Variants in ZHX3 observed in about 807,000 individuals in gnomAD.
ZHX3 encodes zinc fingers and homeoboxes protein 3.
ZHX3 carries 20 observed loss-of-function variants against 64.5 expected under a neutral mutation model. The ratio of observed to expected loss-of-function variants is 0.31; its 90% CI spans 0.22 to 0.45. ZHX3 has a LOEUF of 0.45. Ranked by LOEUF, ZHX3 falls within the 20% of genes least tolerant of loss-of-function variation. The pLI, the probability that ZHX3 is intolerant of heterozygous loss-of-function variation, is 1.00. For missense variants in ZHX3, 1,041 were observed against 1,195.8 expected (o/e 0.87, Z 1.91); for synonymous variants, 423 against 461.6 (o/e 0.92, Z 1.07).
rs763621516 is a variant in ZHX3 at position 41,203,095 on chromosome 20, T to C, written c.1822A>G (p.Thr608Ala). 1 of 1,613,786 alleles carries C rather than the reference T, an allele frequency of 6.2e-7. No individual in the cohort carries two copies. Among genetic ancestry groups the C allele is most frequent in the East Asian group, 2.2e-5 (1 of 44,854 alleles). The stretch of plus-strand genomic sequence containing the variant: ...TATTTGGTTGGTGTGAAGTCAGGAG[T>C]CTGGTGCCAAGATTGTCGTTTGGCA... Reference protein sequence around the residue: ...PSAKRQSWHQTPDFTPTKYKE... With the variant: ...PSAKRQSWHQAPDFTPTKYKE... The change falls in exon 3 of 4, where the codon ACT (threonine) becomes GCT (alanine). Residue 608 changes from threonine to alanine, a missense_variant. Transcript: ENST00000683867. This position sits in a 1 kb window ranked among gnomAD's most constrained non-coding sequence, Gnocchi z 7.1.
chr20:41,261,546 G>T (rs2042562088), intron 2 of ZHX3, among the ~76,000 whole-genome samples: 1 of 152,134 alleles, frequency 6.6e-6, no homozygotes, highest in South Asian at 2.1e-4. Context: ...CCACTTTTCT[G>T]TATCTCCTCT....
chr20:41,299,476 T>C (rs1358059966), intron 1 of ZHX3, among the ~76,000 whole-genome samples: 5 of 152,164 alleles, frequency 3.3e-5, no homozygotes, highest in Admixed American at 6.5e-5. Flanking sequence ...AACATTATAT[T>C]TTCTTTGTTC....
chr20:41,265,502 G>A (rs1056800328), intron 2 of ZHX3, among the ~76,000 whole-genome samples: 3 of 151,964 alleles, frequency 2.0e-5, no homozygotes, highest in South Asian at 2.1e-4. Flanking sequence ...GCGCCCGGCC[G>A]TTACGATAAA....
intron 1 of ZHX3, among the ~76,000 whole-genome samples, chr20:41,303,700 C>T (rs2044892883): frequency 6.6e-6 from 1 of 152,178 alleles, no homozygotes; most frequent in Non-Finnish European, 1.5e-5. Context: ...CAGAAGAGAC[C>T]CTGTTCAAGC....
At position 41,302,376 on chromosome 20, in the gene ZHX3, G is replaced by A. The variant is rs558322990; in HGVS notation, c.-245+15133C>T. Among the ~76,000 whole-genome samples, 3 of 152,172 alleles carry A rather than the reference G, an allele frequency of 2.0e-5. No homozygotes were observed. The South Asian group carries it at 6.2e-4, about 32-fold the overall frequency. On this transcript the variant is annotated intron_variant, in intron 1 of 3. Transcript: ENST00000683867. ...AGGTGTACTAACACCCCAGTTCTCA[G>A]CTCCCTCTTCCCTGACCCAGGGACC...
chr20:41,215,285 A>C (rs532238503), intron 2 of ZHX3, among the ~76,000 whole-genome samples: 29 of 152,254 alleles, frequency 1.9e-4, no homozygotes, highest in African/African-American at 6.7e-4. Context: ...AATAAAAATA[A>C]AAATAAATAA....
chr20:41,237,090 A>G (rs1026164626), intron 2 of ZHX3, among the ~76,000 whole-genome samples: 2 of 152,178 alleles, frequency 1.3e-5, no homozygotes, highest in African/African-American at 4.8e-5. Flanking sequence ...TTAGAATGGC[A>G]ATCATTAAAA....
intron 3 of ZHX3, among the ~76,000 whole-genome samples, chr20:41,190,778 C>A (rs939857275): frequency 6.6e-6 from 1 of 152,162 alleles, no homozygotes; most frequent in African/African-American, 2.4e-5. Context: ...TACTTTATTT[C>A]TCCTTCATTT....
At chr20:41,265,876 T>C (rs961788266) in intron 2 of ZHX3, among the ~76,000 whole-genome samples, 2 of 152,134 alleles carry the variant, frequency 1.3e-5, no homozygotes, top group African/African-American at 4.8e-5. Context: ...AGAAAAGACA[T>C]AGCTCCTGTA....
chr20:41,215,551 A>T (rs2039458468), intron 2 of ZHX3, among the ~76,000 whole-genome samples: 2 of 152,246 alleles, frequency 1.3e-5, no homozygotes, highest in South Asian at 4.1e-4. Flanking sequence ...GAATTCAAAT[A>T]CTTAGAAAGT....
chr20:41,288,989 CAAAT>C (rs777021401), intron 1 of ZHX3, among the ~76,000 whole-genome samples: 10 of 152,052 alleles, frequency 6.6e-5, no homozygotes, highest in Non-Finnish European at 1.3e-4. Flanking sequence ...TGGAATCTAA[CAAAT>C]AGTTTTTTCT....
chr20:41,300,890 G>T (rs2146807324), intron 1 of ZHX3, among the ~76,000 whole-genome samples: 1 of 152,304 alleles, frequency 6.6e-6, no homozygotes, highest in East Asian at 1.9e-4. Context: ...AGACAGAAGG[G>T]CTAAGGAGGA....
chr20:41,194,831 A>C (rs2037350158), intron 3 of ZHX3, among the ~76,000 whole-genome samples: 1 of 152,200 alleles, frequency 6.6e-6, no homozygotes. Flanking sequence ...TTATTGGCAC[A>C]TAACTGTTAA....
intron 1 of ZHX3, among the ~76,000 whole-genome samples, chr20:41,288,036 T>C (rs1002332131): frequency 6.6e-6 from 1 of 152,192 alleles, no homozygotes; most frequent in African/African-American, 2.4e-5. Flanking sequence ...TTATTATTTA[T>C]TTATTTTTGA....
At chr20:41,208,131 G>C (rs1600780215) in intron 2 of ZHX3, among the ~76,000 whole-genome samples, 2 of 152,260 alleles carry the variant, frequency 1.3e-5, no homozygotes, top group African/African-American at 4.8e-5. Context: ...ACCCTCCCAA[G>C]ACTAAACCAG....
chr20:41,210,204 C>T (rs1407688508), intron 2 of ZHX3, among the ~76,000 whole-genome samples: 2 of 152,154 alleles, frequency 1.3e-5, no homozygotes, highest in African/African-American at 4.8e-5. Context: ...ACAACAGGTG[C>T]TGGAGAGGAT....
At chr20:41,316,864 G>T (rs551620476) in intron 1 of ZHX3, 308 of 152,358 alleles carry the variant, frequency 2.0e-3, no homozygotes, top group Non-Finnish European at 3.3e-3. Flanking sequence ...CCACTCACAC[G>T]CCACTCAGGG....
intron 1 of ZHX3, among the ~76,000 whole-genome samples, chr20:41,273,768 G>C (rs993343194): frequency 1.3e-5 from 2 of 152,028 alleles, no homozygotes; most frequent in Non-Finnish European, 1.5e-5. Context: ...TTTGAAATTG[G>C]GAAGCATGAA....
intron 2 of ZHX3, among the ~76,000 whole-genome samples, chr20:41,243,822 A>C (rs1483915974): frequency 6.6e-6 from 1 of 152,170 alleles, no homozygotes; most frequent in African/African-American, 2.4e-5. Flanking sequence ...GAATGGACAC[A>C]AGCAGTTTAG....
Sources: allele counts gnomAD v4.1 joint callset (sites outside exome capture counted in the v4.1 genomes callset), GRCh38; gene constraint gnomAD v4.1.1; non-coding constraint Gnocchi (gnomAD v3.1); transcripts MANE v1.5; gene names NCBI Gene and HGNC (gene_info 2026-07-23, HGNC 2026-07-21).